Variants in AFTPH observed in about 807,000 individuals in gnomAD.
The protein encoded by AFTPH is aftiphilin.
In AFTPH, 7 loss-of-function variants were observed where a neutral mutation model predicts 72.5. The ratio of observed to expected loss-of-function variants is 0.10; its 90% CI spans 0.05 to 0.18. The LOEUF (loss-of-function observed/expected upper bound fraction) is 0.18, where lower values mean the gene tolerates loss of function less well. Ranked by LOEUF, AFTPH falls within the 10% of genes least tolerant of loss-of-function variation. The probability of loss-of-function intolerance (pLI) is 1.00; values close to 1 mark genes in which losing one functional copy is unlikely to be tolerated. For missense variants in AFTPH, 979 were observed against 1,060.5 expected, an observed-to-expected ratio of 0.92 and a Z score of 1.07; for synonymous variants, 337 against 370.1, an observed-to-expected ratio of 0.91 and a Z score of 1.03.
chr2:64,549,308 CTTTTTTTTTTTT>C (rs34951706), intron 1 of AFTPH, among the ~76,000 whole-genome samples: 566 of 56,128 alleles, frequency 0.01, 2 homozygotes, highest in East Asian at 0.033. Flanking sequence ...TTAGTCCTCC[CTTTTTTTTTTTT>C]TTTTTTTTTT....
At chr2:64,550,805 T>C (rs1014768965) in intron 1 of AFTPH, among the ~76,000 whole-genome samples, 1 of 152,056 alleles carries the variant, frequency 6.6e-6, no homozygotes, top group African/African-American at 2.4e-5. Context: ...GGTTTGACCA[T>C]GTGTTATGGT....
rs566890469 is a variant in AFTPH at position 64,530,688 on chromosome 2, A to C, written c.-33+6076A>C. ...GGATATGTGAGCATGTCATACATAT[A>C]CATATGAATCATATTGCGTTGATCT... On this transcript the variant is annotated intron_variant, in intron 1 of 8. Transcript: ENST00000238856. Among the ~76,000 whole-genome samples the C allele has an allele frequency of 2.0e-5, 3 of 152,236 alleles. No individual in the cohort carries two copies. In the South Asian group the frequency reaches 6.2e-4, roughly 32 times the overall value.
intron 6 of AFTPH, among the ~76,000 whole-genome samples, chr2:64,577,007 C>G (rs907288229): frequency 6.6e-5 from 10 of 152,126 alleles, no homozygotes; most frequent in Admixed American, 3.3e-4. Flanking sequence ...GATCCACCCA[C>G]CTTGGCCTCC....
chr2:64,538,527 A>G (rs1356905884), intron 1 of AFTPH, among the ~76,000 whole-genome samples: 10 of 152,226 alleles, frequency 6.6e-5, no homozygotes, highest in African/African-American at 2.4e-4. Flanking sequence ...AGTTTGTTTT[A>G]TAATAATTCC....
At chr2:64,569,006 TTA>T in intron 3 of AFTPH, 84 bp from the exon 4 acceptor site, 1 of 1,430,376 alleles carries the variant, frequency 7.0e-7, no homozygotes. Context: ...GGAATGTGTG[TTA>T]TGTCACAGCC....
chr2:64,561,133 G>A (rs1422647765), intron 2 of AFTPH, among the ~76,000 whole-genome samples: 1 of 152,052 alleles, frequency 6.6e-6, no homozygotes, highest in Non-Finnish European at 1.5e-5. Context: ...GAAAAAGGAG[G>A]GTATGGTACC....
chr2:64,581,038 A>G, intron 7 of AFTPH, 152 bp from the exon 8 acceptor site: 1 of 551,226 alleles, frequency 1.8e-6, no homozygotes, highest in South Asian at 2.2e-5. Context: ...TACTGTACAC[A>G]TTGTTTTAAT....
At chr2:64,528,013 G>T (rs1433603266) in intron 1 of AFTPH, among the ~76,000 whole-genome samples, 1 of 152,172 alleles carries the variant, frequency 6.6e-6, no homozygotes, top group African/African-American at 2.4e-5. Flanking sequence ...AGAAGAAGAG[G>T]GAAATAATGA....
At chr2:64,529,893 C>G (rs1425303503) in intron 1 of AFTPH, among the ~76,000 whole-genome samples, 2 of 152,160 alleles carry the variant, frequency 1.3e-5, no homozygotes. Context: ...GTGGCTCACG[C>G]ATGTAATCCC....
intron 2 of AFTPH, among the ~76,000 whole-genome samples, chr2:64,562,280 A>G (rs980412564): frequency 2.0e-5 from 3 of 151,588 alleles, no homozygotes; most frequent in Admixed American, 2.0e-4. Flanking sequence ...TTACAGTAAG[A>G]TATACTTTTA....
intron 2 of AFTPH, among the ~76,000 whole-genome samples, chr2:64,556,019 G>T (rs1368474542): frequency 6.3e-5 from 8 of 126,822 alleles, no homozygotes; most frequent in African/African-American, 8.6e-5. Context: ...ACAGAATCTT[G>T]CTCTGTCACC....
chr2:64,585,368 A>G, intron 7 of AFTPH, 54 bp from the exon 9 acceptor site: 3 of 1,605,456 alleles, frequency 1.9e-6, no homozygotes, highest in East Asian at 4.5e-5. Flanking sequence ...GATTGTGGCT[A>G]ACTGGGTAAC....
intron 7 of AFTPH, among the ~76,000 whole-genome samples, chr2:64,582,569 G>C (rs529974343): frequency 2.0e-4 from 31 of 152,290 alleles, no homozygotes; most frequent in African/African-American, 6.0e-4. Flanking sequence ...ATTTACATTT[G>C]ATCTGTGCAG....
chr2:64,572,964 A>C (rs751130465), exon 6 of AFTPH: 17 of 1,613,964 alleles, frequency 1.1e-5, no homozygotes, highest in Non-Finnish European at 1.4e-5. Flanking sequence ...AGAGCCCACC[A>C]AGGAACCACT....
chr2:64,568,909 GC>G (rs1672251401), intron 3 of AFTPH, among the ~76,000 whole-genome samples, 182 bp from the exon 4 acceptor site: 1 of 152,202 alleles, frequency 6.6e-6, no homozygotes. Context: ...ACCGCACCCA[GC>G]CTTAGTTATT....
intron 8 of AFTPH, among the ~76,000 whole-genome samples, chr2:64,590,891 G>A (rs1673789947): frequency 6.6e-6 from 1 of 152,144 alleles, no homozygotes; most frequent in South Asian, 2.1e-4. Context: ...CCCATCCAAG[G>A]AAAAAGGAAA....
At chr2:64,558,627 A>G (rs1671532391) in intron 2 of AFTPH, among the ~76,000 whole-genome samples, 1 of 152,248 alleles carries the variant, frequency 6.6e-6, no homozygotes, top group Non-Finnish European at 1.5e-5. Flanking sequence ...AGCACCTCCT[A>G]CCACCATACA....
chr2:64,553,701 T>C (rs1671189227), intron 2 of AFTPH, among the ~76,000 whole-genome samples: 1 of 91,550 alleles, frequency 1.1e-5, no homozygotes, highest in Non-Finnish European at 2.1e-5. Context: ...ACCATATATG[T>C]TAAAAAAAAA....
At chr2:64,551,135 G>C (rs1482146899) in intron 1 of AFTPH, among the ~76,000 whole-genome samples, 1 of 152,032 alleles carries the variant, frequency 6.6e-6, no homozygotes, top group Non-Finnish European at 1.5e-5. Context: ...CTGTACTTTT[G>C]TAAGTGTATA....
Sources: gnomAD v4.1 joint callset for allele counts (sites outside exome capture counted in the v4.1 genomes callset) on GRCh38, gnomAD v4.1.1 for gene constraint, MANE v1.5 for transcripts, NCBI Gene and HGNC (gene_info 2026-07-23, HGNC 2026-07-21) for gene names.